Variants in SASS6 observed in about 807,000 individuals in gnomAD.
SASS6 encodes spindle assembly abnormal protein 6 homolog.
SASS6 carries 59 observed loss-of-function variants against 94.9 expected under a neutral mutation model. The observed-to-expected ratio is 0.62, with a 90% CI of 0.50 to 0.77. The LOEUF (loss-of-function observed/expected upper bound fraction) is 0.77, where lower values mean the gene tolerates loss of function less well. Ranked by LOEUF, SASS6 falls within the 30% of genes least tolerant of loss-of-function variation. SASS6 has a pLI of 0.00. For missense variants in SASS6, 698 were observed against 734.1 expected, an observed-to-expected ratio of 0.95 and a Z score of 0.57; for synonymous variants, 264 against 270.0, an observed-to-expected ratio of 0.98 and a Z score of 0.22.
chr1:100,121,926 T>C (rs1647361283), intron 4 of SASS6, among the ~76,000 whole-genome samples: 1 of 152,230 alleles, frequency 6.6e-6, no homozygotes, highest in Non-Finnish European at 1.5e-5. Flanking sequence ...TTCTTCTTTA[T>C]AGAAGAATTA....
At chr1:100,102,398 CG>C (rs1304617692) in intron 14 of SASS6, among the ~76,000 whole-genome samples, 1 of 152,022 alleles carries the variant, frequency 6.6e-6, no homozygotes, top group African/African-American at 2.4e-5. Flanking sequence ...AAAGGCTGGC[CG>C]GGCGTGGTGG....
At chr1:100,107,597 AAT>A (rs747000536) in intron 10 of SASS6, 29 bp downstream of exon 10, 2 of 1,552,314 alleles carry the variant, frequency 1.3e-6, no homozygotes, top group South Asian at 2.4e-5. Flanking sequence ...AATTTAATGA[AAT>A]ACTAGTCTAT....
chr1:100,116,574 A>T (rs1653815847), intron 7 of SASS6, among the ~76,000 whole-genome samples: 1 of 152,208 alleles, frequency 6.6e-6, no homozygotes, highest in Admixed American at 6.5e-5. Flanking sequence ...ACAAAAAGAT[A>T]AGTACAAGAA....
At chr1:100,108,488 C>T (rs1653078774) in intron 8 of SASS6, among the ~76,000 whole-genome samples, 1 of 151,986 alleles carries the variant, frequency 6.6e-6, no homozygotes, top group South Asian at 2.1e-4. Context: ...TCTCTCTGTT[C>T]ACTCTTTCAA....
chr1:100,085,724 C>CT (rs1651200638), intron 15 of SASS6, 94 bp from the exon 16 acceptor site: 1 of 710,338 alleles, frequency 1.4e-6, no homozygotes, highest in East Asian at 2.7e-5. Flanking sequence ...GATAATGTAA[C>CT]TAAGTTCTAT....
intron 14 of SASS6, among the ~76,000 whole-genome samples, chr1:100,097,924 C>T (rs188241820): frequency 3.8e-4 from 58 of 152,256 alleles, no homozygotes; most frequent in Admixed American, 3.8e-3. Context: ...GACAGCTGAT[C>T]AGTAGTTGCC....
intron 15 of SASS6, among the ~76,000 whole-genome samples, chr1:100,087,017 C>T (rs1037254562): frequency 3.3e-5 from 5 of 151,530 alleles, no homozygotes; most frequent in Non-Finnish European, 7.4e-5. Context: ...GAGTCTTGCT[C>T]TTATCGCCCA....
At chr1:100,114,666 C>G (rs1002360435) in intron 7 of SASS6, among the ~76,000 whole-genome samples, 1 of 151,902 alleles carries the variant, frequency 6.6e-6, no homozygotes, top group African/African-American at 2.4e-5. Flanking sequence ...TGCAGTGAGC[C>G]GGGACCACAC....
intron 14 of SASS6, among the ~76,000 whole-genome samples, chr1:100,097,919 C>T (rs1386013435): frequency 3.9e-5 from 6 of 152,110 alleles, no homozygotes; most frequent in African/African-American, 1.4e-4. Flanking sequence ...ATAGTGACAG[C>T]TGATCAGTAG....
Position 100,132,854 on chromosome 1 carries a change from C to T in SASS6, c.-40G>A. ...TCGGCTGGTGTGCAGAAAAGCCCAA[C>T]AGGCCCGGCCCTCGGGATTAGCCTG... On this transcript the variant is annotated 5_prime_UTR_variant, in exon 1 of 17. Transcript: ENST00000287482. 1 of 1,584,876 alleles carries T rather than the reference C, an allele frequency of 6.3e-7. No individual in the cohort carries two copies. The highest frequency in any genetic ancestry group is 8.7e-7 in the Non-Finnish European group (1 of 1,153,774).
intron 11 of SASS6, 47 bp from the exon 12 acceptor site, chr1:100,107,040 A>C (rs757796839): frequency 1.3e-6 from 1 of 787,712 alleles, no homozygotes. Context: ...ATAAAGGTTA[A>C]ATAAAAACTG....
At chr1:100,099,132 A>C (rs1652290211) in intron 14 of SASS6, 1 of 152,238 alleles carries the variant, frequency 6.6e-6, no homozygotes, top group Non-Finnish European at 1.5e-5. Context: ...GGTTAACCCA[A>C]CTGAATAATG....
At chr1:100,093,174 C>CTTTTTTTTTTTTTTTTT (rs909537970) in intron 14 of SASS6, among the ~76,000 whole-genome samples, 1 of 87,422 alleles carries the variant, frequency 1.1e-5, no homozygotes, top group African/African-American at 4.5e-5. Flanking sequence ...CTATTGTTTT[C>CTTTTTTTTTTTTTTTTT]TTTTTTTTTT....
chr1:100,117,639 C>T (rs769738496), intron 7 of SASS6, among the ~76,000 whole-genome samples: 6 of 149,084 alleles, frequency 4.0e-5, no homozygotes, highest in Non-Finnish European at 7.4e-5. Context: ...AGCGACAGAG[C>T]GAGACTCCAT....
chr1:100,099,323 A>G (rs1343335609), intron 14 of SASS6: 1 of 153,750 alleles, frequency 6.5e-6, no homozygotes, highest in Non-Finnish European at 1.5e-5. Context: ...TGTCAGGAGG[A>G]TAAGAGATTC....
chr1:100,098,781 T>C (rs981970805), intron 14 of SASS6, among the ~76,000 whole-genome samples: 8 of 152,222 alleles, frequency 5.3e-5, no homozygotes, highest in African/African-American at 1.4e-4. Flanking sequence ...TCTGATACAC[T>C]GCAGTTACCT....
intron 12 of SASS6, 40 bp from the exon 13 acceptor site, chr1:100,105,943 CTGTT>C (rs755452579): frequency 8.1e-6 from 11 of 1,365,306 alleles, no homozygotes; most frequent in East Asian, 7.3e-5. Context: ...AGAATATTGA[CTGTT>C]TATTTTTCTA....
At chr1:100,132,312 T>C (rs1217452021) in intron 1 of SASS6, among the ~76,000 whole-genome samples, 1 of 152,146 alleles carries the variant, frequency 6.6e-6, no homozygotes, top group African/African-American at 2.4e-5. Context: ...AAAGTTGAAC[T>C]TTACTGCCAA....
chr1:100,132,276 T>A (rs1365320175), intron 1 of SASS6, among the ~76,000 whole-genome samples: 1 of 152,184 alleles, frequency 6.6e-6, no homozygotes, highest in Non-Finnish European at 1.5e-5. Context: ...AGAGCCAAAG[T>A]ACGCCACCAA....
Sources: allele counts gnomAD v4.1 joint callset (sites outside exome capture counted in the v4.1 genomes callset), GRCh38; gene constraint gnomAD v4.1.1; transcripts MANE v1.5; gene names NCBI Gene and HGNC (gene_info 2026-07-23, HGNC 2026-07-21).